The following MTMR8 variants were observed in gnomAD, a reference collection of about 807,000 sequenced individuals.
The protein encoded by MTMR8 is phosphatidylinositol-3,5-bisphosphate 3-phosphatase MTMR8.
MTMR8 carries 65 observed loss-of-function variants against 39.3 expected under a neutral mutation model. The observed-to-expected ratio is 1.65, with a 90% CI of 1.35 to 2.03. The LOEUF is 2.03. MTMR8 is among the 30% of genes most tolerant of loss of function. MTMR8 has a pLI of 0.00. For missense variants in MTMR8, 777 were observed against 538.9 expected (o/e 1.44, Z -4.37); for synonymous variants, 245 against 185.2 (o/e 1.32, Z -2.62).
chrX:64,336,817 C>T (rs1233275386), intron 9 of MTMR8, among the ~76,000 whole-genome samples: 1 of 110,579 alleles, frequency 9.0e-6, no homozygotes, highest in Admixed American at 9.6e-5. Flanking sequence ...CAAAACAAAA[C>T]AAAAAAAAGC....
Position 64,313,778 on chromosome X carries a change from C to G in MTMR8, c.1481+14994G>C, listed in dbSNP as rs190560096. On this transcript the variant is annotated intron_variant, in intron 12 of 13. Transcript: ENST00000374852. ...TTCATTTCTTTCCATATTCTGCATT[C>G]TAGTTCTGTGATTTCAGCCATCTTA... is the stretch of plus-strand genomic sequence containing the variant. Among the ~76,000 whole-genome samples, 714 of 112,449 alleles carry G rather than the reference C, an allele frequency of 6.3e-3. 2 individuals carry two copies. The highest frequency in any genetic ancestry group is 0.012 in the Non-Finnish European group (625 of 53,322).
intron 8 of MTMR8, among the ~76,000 whole-genome samples, chrX:64,340,713 G>C (rs1923192010): frequency 8.9e-6 from 1 of 112,053 alleles, no homozygotes. Context: ...GAACATGACG[G>C]CAGCAACCAT....
At position 64,268,866 on chromosome X, in the gene MTMR8, C is replaced by T; in HGVS notation, c.1786G>A (p.Ala596Thr). 1 of 1,211,639 alleles carries T rather than the reference C, an allele frequency of 8.3e-7. No homozygotes were observed. The highest frequency in any genetic ancestry group is 1.1e-6 in the Non-Finnish European group (1 of 895,514). Residue 596 changes from alanine to threonine, a missense_variant, in exon 14 of 14, where the codon GCT (alanine) becomes ACT (threonine). Ala to Thr is a moderately conservative substitution (Grantham distance 58). Transcript: ENST00000374852. ...GTLSREGGLR[A>T]QMDQVKSQGA... ...TGGCTTTTTACTTGATCCATCTGAG[C>T]TCGGAGGCCTCCTTCCCTGGATAGG...
rs188373652 is a variant in MTMR8 at position 64,302,623 on chromosome X, A to G, written c.1481+26149T>C. 5.3e-5 allele frequency among the ~76,000 whole-genome samples: 6 copies of G among 112,717 alleles called. 1 individual carries two copies. Among genetic ancestry groups the G allele is most frequent in the African/African-American group, 1.9e-4 (6 of 31,101 alleles). The stretch of plus-strand genomic sequence containing the variant: ...CCTATGCTGTTTACTTCTTCATTAC[A>G]GGTTAGGAACCCATTAGCTGAAAAG... On this transcript the variant is annotated intron_variant, in intron 12 of 13. Coordinates refer to ENST00000374852, the MANE Select transcript of MTMR8 (RefSeq NM_017677.4).
At chrX:64,288,707 T>C (rs1392035498) in intron 12 of MTMR8, among the ~76,000 whole-genome samples, 2 of 111,638 alleles carry the variant, frequency 1.8e-5, no homozygotes, top group Admixed American at 9.5e-5. Context: ...GATGAGTTCA[T>C]GTCCTTTGCA....
chrX:64,299,213 C>T (rs1484110878), intron 12 of MTMR8, among the ~76,000 whole-genome samples: 57 of 83,193 alleles, frequency 6.9e-4, no homozygotes, highest in African/African-American at 2.4e-3. Context: ...TGGTCCTGGA[C>T]TCTTTTTGGT....
intron 12 of MTMR8, among the ~76,000 whole-genome samples, chrX:64,300,380 C>G (rs1921812061): frequency 9.0e-6 from 1 of 111,468 alleles, no homozygotes; most frequent in Non-Finnish European, 1.9e-5. Context: ...TCTGTTTTAT[C>G]AGACACTAGC....
intron 1 of MTMR8, 103 bp downstream of exon 1, chrX:64,395,237 G>T (rs1924789731): frequency 2.3e-6 from 2 of 869,690 alleles, no homozygotes; most frequent in Non-Finnish European, 3.4e-6. Flanking sequence ...CAGGAAAGAC[G>T]CGTCAAAGAA....
intron 12 of MTMR8, among the ~76,000 whole-genome samples, chrX:64,285,008 C>T (rs1238414779): frequency 8.9e-6 from 1 of 111,732 alleles, no homozygotes; most frequent in Admixed American, 9.5e-5. Context: ...CTAAATGCTC[C>T]AATTAAGACA....
At chrX:64,314,697 G>C (rs1190713639) in intron 12 of MTMR8, among the ~76,000 whole-genome samples, 1 of 112,691 alleles carries the variant, frequency 8.9e-6, no homozygotes, top group Non-Finnish European at 1.9e-5. Flanking sequence ...CAGGGAAGAA[G>C]GCAAGATTGG....
chrX:64,390,754 C>T (rs1185498007), intron 1 of MTMR8, among the ~76,000 whole-genome samples: 1 of 110,977 alleles, frequency 9.0e-6, no homozygotes, highest in Non-Finnish European at 1.9e-5. Context: ...CAGATTCAAG[C>T]CATCCCCACC....
chrX:64,306,504 G>A (rs770669581), intron 12 of MTMR8: 1 of 143,389 alleles, frequency 7.0e-6, no homozygotes, highest in Non-Finnish European at 1.4e-5. Context: ...ATCACTTGAA[G>A]CATTTTGAAT....
At chrX:64,270,380 TC>T (rs2147123758) in intron 13 of MTMR8, among the ~76,000 whole-genome samples, 1 of 112,118 alleles carries the variant, frequency 8.9e-6, no homozygotes, top group South Asian at 3.8e-4. Context: ...GAGGTACCTT[TC>T]CCCTGTCCTT....
chrX:64,340,351 T>C (rs1445697372), intron 8 of MTMR8, among the ~76,000 whole-genome samples: 1 of 111,770 alleles, frequency 8.9e-6, no homozygotes, highest in Non-Finnish European at 1.9e-5. Flanking sequence ...TCAAATCTCT[T>C]CAGATGACGG....
chrX:64,310,095 T>C (rs1430279283), intron 12 of MTMR8, among the ~76,000 whole-genome samples: 3 of 111,941 alleles, frequency 2.7e-5, no homozygotes, highest in Non-Finnish European at 5.6e-5. Flanking sequence ...TCAGGCATTT[T>C]ACCCACAGCA....
chrX:64,298,792 T>A (rs1426579537), intron 12 of MTMR8, among the ~76,000 whole-genome samples: 1 of 41,270 alleles, frequency 2.4e-5, no homozygotes, highest in Non-Finnish European at 3.2e-5. Context: ...GCATGAAGGG[T>A]TGTTGAATTT....
chrX:64,335,414 G>A (rs191382336), intron 10 of MTMR8, among the ~76,000 whole-genome samples: 279 of 112,273 alleles, frequency 2.5e-3, no homozygotes, highest in Middle Eastern at 9.3e-3. Flanking sequence ...TCACAGGTAT[G>A]AGCCACTGCA....
At chrX:64,311,259 G>T (rs1294171197) in intron 12 of MTMR8, among the ~76,000 whole-genome samples, 2 of 111,883 alleles carry the variant, frequency 1.8e-5, no homozygotes, top group Non-Finnish European at 3.8e-5. Context: ...CAGTGATGAC[G>T]AGCATTTTTT....
chrX:64,288,226 C>T (rs1035001619), intron 12 of MTMR8, among the ~76,000 whole-genome samples: 15 of 109,638 alleles, frequency 1.4e-4, no homozygotes, highest in African/African-American at 4.6e-4. Flanking sequence ...CAAAAGAAGA[C>T]ATTTATGCAG....
Sources: allele counts gnomAD v4.1 joint callset (sites outside exome capture counted in the v4.1 genomes callset), GRCh38; gene constraint gnomAD v4.1.1; transcripts MANE v1.5; gene names NCBI Gene and HGNC (gene_info 2026-07-23, HGNC 2026-07-21).